LRMDA: variants seen among roughly 807,000 people sequenced by gnomAD.
LRMDA encodes the protein leucine rich melanocyte differentiation associated, also known as leucine-rich melanocyte differentiation-associated protein.
In LRMDA, 18 loss-of-function variants were observed where a neutral mutation model predicts 29.8. That is an observed-to-expected ratio of 0.60 (90% CI 0.42 to 0.90). The LOEUF is 0.90. Ranked by LOEUF, LRMDA falls within the 40% of genes least tolerant of loss-of-function variation. The probability of loss-of-function intolerance (pLI) is 0.00; values close to 1 mark genes in which losing one functional copy is unlikely to be tolerated. For missense variants in LRMDA, 273 were observed against 273.9 expected (o/e 1.00, Z 0.02); for synonymous variants, 125 against 109.4 (o/e 1.14, Z -0.89).
At chr10:75,772,873 G>T (rs12762921) in intron 2 of LRMDA, among the ~76,000 whole-genome samples, 4 of 118,226 alleles carry the variant, frequency 3.4e-5, no homozygotes, top group Non-Finnish European at 5.4e-5. Flanking sequence ...GTGGGATGGG[G>T]GGGGGCAGAT....
chr10:75,671,793 TAAA>T (rs1168575858), intron 2 of LRMDA, among the ~76,000 whole-genome samples: 1 of 152,008 alleles, frequency 6.6e-6, no homozygotes, highest in Non-Finnish European at 1.5e-5. Flanking sequence ...TAATAATAAT[TAAA>T]AAAACCCCTA....
chr10:75,523,248 A>G (rs1441418541), intron 2 of LRMDA, among the ~76,000 whole-genome samples: 2 of 152,180 alleles, frequency 1.3e-5, no homozygotes, highest in African/African-American at 4.8e-5. Context: ...GAATGGGTGC[A>G]TGAGCATGTG....
At chr10:75,433,265 G>C (rs1260176573) in intron 1 of LRMDA, among the ~76,000 whole-genome samples, 2 of 152,156 alleles carry the variant, frequency 1.3e-5, no homozygotes, top group Non-Finnish European at 2.9e-5. Context: ...TCATGGGGCT[G>C]AGCACTTTCC....
intron 2 of LRMDA, among the ~76,000 whole-genome samples, chr10:75,759,386 A>T (rs561319309): frequency 1.3e-5 from 2 of 152,210 alleles, no homozygotes; most frequent in African/African-American, 4.8e-5. Flanking sequence ...CTTATACTCT[A>T]TAGACCCATT....
chr10:76,164,651 A>C (rs756247632), intron 5 of LRMDA, among the ~76,000 whole-genome samples: 8 of 152,234 alleles, frequency 5.3e-5, no homozygotes, highest in Non-Finnish European at 1.0e-4. Flanking sequence ...TGTGATCTAA[A>C]ATATTCAGAG....
intron 5 of LRMDA, among the ~76,000 whole-genome samples, chr10:76,272,294 G>A (rs1042582977): frequency 6.6e-6 from 1 of 152,090 alleles, no homozygotes; most frequent in Non-Finnish European, 1.5e-5. Flanking sequence ...CCTCCTCAAT[G>A]GACTTGATGC....
At chr10:75,656,458 T>C (rs1864484) in intron 2 of LRMDA, among the ~76,000 whole-genome samples, 28,476 of 152,208 alleles carry the variant, frequency 0.19, 6,497 homozygotes, top group African/African-American at 0.53. Flanking sequence ...GTTCTCTTAC[T>C]TGAGGACTTC....
chr10:76,441,482 C>G (rs1470232993), intron 6 of LRMDA, among the ~76,000 whole-genome samples: 1 of 152,108 alleles, frequency 6.6e-6, no homozygotes, highest in Non-Finnish European at 1.5e-5. Flanking sequence ...GACTGTTAAA[C>G]AAGTAATGCA....
At chr10:76,526,118 C>T (rs549849790) in intron 6 of LRMDA, among the ~76,000 whole-genome samples, 60 of 152,254 alleles carry the variant, frequency 3.9e-4, no homozygotes, top group African/African-American at 1.3e-3. Context: ...TGATATGTCA[C>T]TCAAATATGT....
At chr10:76,212,582 T>A (rs1851656476) in intron 5 of LRMDA, among the ~76,000 whole-genome samples, 1 of 152,216 alleles carries the variant, frequency 6.6e-6, no homozygotes, top group African/African-American at 2.4e-5. Context: ...ATGTCCACAC[T>A]GAACTAATGA....
intron 6 of LRMDA, among the ~76,000 whole-genome samples, chr10:76,544,687 C>T (rs1843397596): frequency 6.7e-6 from 1 of 150,248 alleles, no homozygotes; most frequent in East Asian, 1.9e-4. Flanking sequence ...TATACATACA[C>T]ATATACATTT....
intron 6 of LRMDA, among the ~76,000 whole-genome samples, chr10:76,523,878 G>C (rs954086673): frequency 2.0e-5 from 3 of 152,160 alleles, no homozygotes; most frequent in Non-Finnish European, 2.9e-5. Context: ...GAACTTATTT[G>C]TATGCAGCAC....
chr10:76,543,316 C>CTGTGTGTGTG (rs71028203), intron 6 of LRMDA, among the ~76,000 whole-genome samples: 4 of 144,122 alleles, frequency 2.8e-5, no homozygotes, highest in African/African-American at 1.0e-4. Flanking sequence ...TGGGGTGTGC[C>CTGTGTGTGTG]TGTGTGTGTG....
intron 5 of LRMDA, among the ~76,000 whole-genome samples, chr10:76,286,558 G>A (rs73289054): frequency 6.6e-6 from 1 of 152,112 alleles, no homozygotes; most frequent in Non-Finnish European, 1.5e-5. Context: ...GAGACCAGCT[G>A]ATGGGCTTCA....
intron 5 of LRMDA, among the ~76,000 whole-genome samples, chr10:76,197,812 C>T (rs1219654065): frequency 3.9e-5 from 6 of 151,928 alleles, no homozygotes; most frequent in African/African-American, 9.7e-5. Context: ...CCCAGCTACT[C>T]GGGAGTCTGA....
chr10:75,601,575 T>G (rs1381801294), intron 2 of LRMDA, among the ~76,000 whole-genome samples: 1 of 152,158 alleles, frequency 6.6e-6, no homozygotes, highest in Non-Finnish European at 1.5e-5. Flanking sequence ...ATAAGGGAAT[T>G]TTTATATACA....
chr10:76,007,896 T>C (rs1213435391), intron 2 of LRMDA, among the ~76,000 whole-genome samples: 1 of 152,212 alleles, frequency 6.6e-6, no homozygotes, highest in Non-Finnish European at 1.5e-5. Flanking sequence ...CTGAATCCAG[T>C]AATTTATTCG....
At chr10:75,953,423 CCT>C (rs1249373067) in intron 2 of LRMDA, among the ~76,000 whole-genome samples, 1 of 152,056 alleles carries the variant, frequency 6.6e-6, no homozygotes, top group Non-Finnish European at 1.5e-5. Context: ...CTCTGCCAGC[CCT>C]GTGTGAGGCT....
At chr10:75,991,021 G>T (rs776037023) in intron 2 of LRMDA, among the ~76,000 whole-genome samples, 2 of 152,138 alleles carry the variant, frequency 1.3e-5, no homozygotes, top group Non-Finnish European at 2.9e-5. Flanking sequence ...AAGTGAAGGT[G>T]ATATCTCACA....
Sources: gnomAD v4.1 joint callset for allele counts (sites outside exome capture counted in the v4.1 genomes callset) on GRCh38, gnomAD v4.1.1 for gene constraint, MANE v1.5 for transcripts, NCBI Gene and HGNC (gene_info 2026-07-23, HGNC 2026-07-21) for gene names.